The following EVI5 variants were observed in gnomAD, a reference collection of about 807,000 sequenced individuals.
EVI5 encodes the protein ecotropic viral integration site 5, also known as ecotropic viral integration site 5 protein homolog.
In EVI5, 73 loss-of-function variants were observed where a neutral mutation model predicts 112.0. That is an observed-to-expected ratio of 0.65 (90% confidence interval 0.54 to 0.79). The LOEUF (loss-of-function observed/expected upper bound fraction) is 0.79, where lower values mean the gene tolerates loss of function less well. Ranked by LOEUF, EVI5 falls within the 30% of genes least tolerant of loss-of-function variation. The pLI is 0.00. For synonymous variants in EVI5, 305 were observed against 319.9 expected, an observed-to-expected ratio of 0.95 and a Z score of 0.50; for missense variants, 900 against 968.8, an observed-to-expected ratio of 0.93 and a Z score of 0.94.
At chr1:92,770,777 G>A (rs61800548) in intron 1 of EVI5, among the ~76,000 whole-genome samples, 135,702 of 151,702 alleles carry the variant, frequency 0.89, 60,891 homozygotes, top group East Asian at 0.97. Context: ...GCGACAGAGC[G>A]GGACTCCATC....
intron 2 of EVI5, among the ~76,000 whole-genome samples, chr1:92,706,696 AT>A (rs1315514629): frequency 6.6e-6 from 1 of 152,226 alleles, no homozygotes; most frequent in Admixed American, 6.5e-5. Flanking sequence ...GTTAGAGAAG[AT>A]TAAGCAGTTA....
chr1:92,694,223 C>T, intron 8 of EVI5, 76 bp downstream of exon 8: 1 of 831,184 alleles, frequency 1.2e-6, no homozygotes, highest in African/African-American at 1.7e-5. Flanking sequence ...CAAGATCACG[C>T]CACTGCACTC....
At position 92,728,143 on chromosome 1, in the gene EVI5, A is replaced by G. The variant is rs551167810; in HGVS notation, c.149+8255T>C. ...AGATTTCCAAGGAAACAACATTACC[A>G]AAGATAAAGAAGGTCATTTTACAAG... On this transcript the variant is annotated intron_variant, in intron 2 of 19. Transcript: ENST00000684568. 1.4e-4 allele frequency among the ~76,000 whole-genome samples: 22 copies of G among 152,314 alleles called. No individual in the cohort carries two copies. The East Asian group carries it at 4.2e-3, about 29-fold the overall frequency.
intron 13 of EVI5, among the ~76,000 whole-genome samples, chr1:92,658,929 T>C (rs1451434765): frequency 6.6e-6 from 1 of 152,016 alleles, no homozygotes; most frequent in African/African-American, 2.4e-5. Flanking sequence ...TAAAGTCACA[T>C]ACCTACAGTT....
At chr1:92,703,654 T>G in intron 3 of EVI5, 35 bp from the exon 4 acceptor site, 2 of 1,300,450 alleles carry the variant, frequency 1.5e-6, no homozygotes, top group South Asian at 2.6e-5. Context: ...AATGAATTAT[T>G]TAAGTGTCCT....
chr1:92,619,950 C>T (rs9633481), intron 16 of EVI5, among the ~76,000 whole-genome samples: 1 of 152,072 alleles, frequency 6.6e-6, no homozygotes, highest in Admixed American at 6.5e-5. Flanking sequence ...AGGGGCAAAA[C>T]GAACAGAGCA....
intron 2 of EVI5, among the ~76,000 whole-genome samples, chr1:92,722,331 G>C (rs1674881977): frequency 6.6e-6 from 1 of 151,152 alleles, no homozygotes; most frequent in African/African-American, 2.4e-5. Context: ...ATTATTATTA[G>C]ACTTTTAAGT....
chr1:92,744,930 T>G (rs1217080607), intron 1 of EVI5, among the ~76,000 whole-genome samples: 2 of 151,954 alleles, frequency 1.3e-5, no homozygotes, highest in Admixed American at 1.3e-4. Flanking sequence ...ACTTGACTAG[T>G]CAGGAATCGT....
chr1:92,756,888 A>T, intron 1 of EVI5: 1 of 416,340 alleles, frequency 2.4e-6, no homozygotes, highest in Non-Finnish European at 4.7e-6. Flanking sequence ...CCCTGTCTGA[A>T]TGTTTCTTAT....
chr1:92,580,973 G>A (rs866437036), intron 18 of EVI5, among the ~76,000 whole-genome samples: 1 of 152,084 alleles, frequency 6.6e-6, no homozygotes, highest in Non-Finnish European at 1.5e-5. Flanking sequence ...CTTCTTGGTT[G>A]GGATTTTTGG....
intron 13 of EVI5, among the ~76,000 whole-genome samples, chr1:92,640,092 CAT>C (rs1286470877): frequency 3.3e-5 from 5 of 152,188 alleles, no homozygotes; most frequent in African/African-American, 7.2e-5. Flanking sequence ...CCCTTCCTCA[CAT>C]GTTATACAAA....
chr1:92,550,746 C>CA (rs1164076965), intron 19 of EVI5, among the ~76,000 whole-genome samples: 1 of 4,518 alleles, frequency 2.2e-4, no homozygotes, highest in African/African-American at 7.3e-4. Flanking sequence ...GACTCCGTCT[C>CA]AAAAAAAAAA....
intron 1 of EVI5, among the ~76,000 whole-genome samples, chr1:92,791,714 G>A (rs1453233391): frequency 6.6e-6 from 1 of 151,212 alleles, no homozygotes; most frequent in Admixed American, 6.6e-5. Flanking sequence ...ACAAACATTA[G>A]CTAATGTTAA....
intron 1 of EVI5, among the ~76,000 whole-genome samples, chr1:92,752,535 G>A (rs1395478086): frequency 2.6e-5 from 4 of 151,940 alleles, no homozygotes; most frequent in East Asian, 1.9e-4. Flanking sequence ...GCACTCCAAT[G>A]GGCCCTTTTA....
chr1:92,710,111 G>A lies in EVI5; in HGVS notation c.150-5367C>T, dbSNP rs561383753. 1.6e-3 allele frequency among the ~76,000 whole-genome samples: 99 copies of A among 63,336 alleles called. 1 individual carries two copies. The highest frequency in any genetic ancestry group is 0.013 in the South Asian group (20 of 1,506). 41.6% of individuals were successfully genotyped at this position (63,336 alleles called of 152,430 possible). On this transcript the variant is annotated intron_variant, in intron 2 of 19. Coordinates refer to ENST00000684568, the MANE Select transcript of EVI5 (RefSeq NM_001350197.2). ...CAAAAAAAAAAAAAAGGGAGGCCGAGGCAGGTGGATTGCTTGAGCCCAGGA... is the reference window on the plus strand; with the variant it reads ...CAAAAAAAAAAAAAAGGGAGGCCGAAGCAGGTGGATTGCTTGAGCCCAGGA...
At chr1:92,559,731 G>A (rs10874713) in intron 19 of EVI5, among the ~76,000 whole-genome samples, 122,526 of 143,762 alleles carry the variant, frequency 0.85, 52,447 homozygotes, top group East Asian at 0.97. Context: ...CCAAGATCGC[G>A]CCAGTGCACT....
chr1:92,534,730 C>T (rs1663541019), intron 19 of EVI5, among the ~76,000 whole-genome samples: 1 of 152,174 alleles, frequency 6.6e-6, no homozygotes, highest in Non-Finnish European at 1.5e-5. Context: ...ATCCAGAAAG[C>T]TGAAACTGGA....
chr1:92,784,803 C>T (rs867649669), intron 1 of EVI5, 33 bp downstream of exon 1: 3 of 984,838 alleles, frequency 3.0e-6, no homozygotes, highest in Non-Finnish European at 3.6e-6. Context: ...GCCCGGCCTC[C>T]CGGCCCGCCC....
At chr1:92,742,686 AT>A (rs1457686031) in intron 1 of EVI5, among the ~76,000 whole-genome samples, 1 of 152,012 alleles carries the variant, frequency 6.6e-6, no homozygotes, top group Non-Finnish European at 1.5e-5. Flanking sequence ...AAAAAAAAAA[AT>A]TAAATTAAAA....
Sources: allele counts gnomAD v4.1 joint callset (sites outside exome capture counted in the v4.1 genomes callset), GRCh38; gene constraint gnomAD v4.1.1; transcripts MANE v1.5; gene names NCBI Gene and HGNC (gene_info 2026-07-23, HGNC 2026-07-21).